Variants in TMEM117 observed in about 807,000 individuals in gnomAD.
The protein encoded by TMEM117 is transmembrane protein 117.
Under a neutral mutation model 52.4 loss-of-function variants are expected in TMEM117, and 27 were observed. The ratio of observed to expected loss-of-function variants is 0.51; its 90% CI spans 0.38 to 0.71. The LOEUF is 0.71. Among genes scored for constraint, TMEM117 ranks in the 30% least tolerant of loss-of-function variants. The pLI, the probability that TMEM117 is intolerant of heterozygous loss-of-function variation, is 0.00. For synonymous variants in TMEM117, 215 were observed against 206.3 expected, an observed-to-expected ratio of 1.04 and a Z score of -0.36; for missense variants, 556 against 630.5, an observed-to-expected ratio of 0.88 and a Z score of 1.26.
chr12:44,001,021 A>G (rs1373562667), intron 3 of TMEM117, among the ~76,000 whole-genome samples: 1 of 152,168 alleles, frequency 6.6e-6, no homozygotes, highest in South Asian at 2.1e-4. Flanking sequence ...AAGAAGTGCT[A>G]GTTCATGAGT....
At chr12:43,804,031 C>T in the TMEM117 span, 4,516 of 217,418 alleles carry the variant, frequency 0.021, 100 homozygotes, top group East Asian at 0.075. Context: ...AGAACTTTCC[C>T]AAAACAAGAA....
intron 6 of TMEM117, among the ~76,000 whole-genome samples, chr12:44,313,594 C>T (rs1451551609): frequency 6.6e-6 from 1 of 152,106 alleles, no homozygotes; most frequent in Non-Finnish European, 1.5e-5. Flanking sequence ...TATTCAGGCT[C>T]TCTTTTGGTT....
intron 4 of TMEM117, among the ~76,000 whole-genome samples, chr12:44,156,166 T>C (rs1254276280): frequency 6.6e-6 from 1 of 152,134 alleles, no homozygotes; most frequent in Non-Finnish European, 1.5e-5. Context: ...GTTATAGTAG[T>C]CAGGTTAGCC....
rs144583149 is a variant in TMEM117, at chr12:44,018,768, G to A, written c.410+74426G>A. On this transcript the variant is annotated intron_variant, in intron 3 of 7. Transcript: ENST00000266534. ...AGAAGTCTTGCTCTGTCGCCAGTCT[G>A]GAGTGCAGTGGCGCAATCTTGGCTC... Among the ~76,000 whole-genome samples the A allele has an allele frequency of 4.5e-3, 659 of 148,056 alleles. 4 individuals carry two copies. The highest frequency in any genetic ancestry group is 7.2e-3 in the Non-Finnish European group (482 of 67,404).
chr12:43,852,949 T>C (rs79074543), intron 2 of TMEM117, among the ~76,000 whole-genome samples: 5,695 of 152,276 alleles, frequency 0.037, 269 homozygotes, highest in African/African-American at 0.1. Context: ...TCATTGAAGG[T>C]ATTACTTAGC....
rs113724087 is a variant in TMEM117 at position 44,375,233 on chromosome 12, C to T, written c.769-1362C>T. On this transcript the variant is annotated intron_variant, in intron 6 of 7. Coordinates refer to ENST00000266534, the MANE Select transcript of TMEM117 (RefSeq NM_032256.3). ...GTGCCAAATTAATTCAGCTCTAGTG[C>T]GTTGGGTTTTATGAACCTCCCAAAT... Among the ~76,000 whole-genome samples, 5 of 152,196 alleles carry T rather than the reference C, an allele frequency of 3.3e-5. 1 individual carries two copies. Among genetic ancestry groups the T allele is most frequent in the African/African-American group, 1.2e-4 (5 of 41,546 alleles).
intron 3 of TMEM117, chr12:44,009,087 T>G (rs1262595084): frequency 2.8e-6 from 1 of 360,842 alleles, no homozygotes. Flanking sequence ...GTGTTTCCCA[T>G]GAAGACACAT....
At chr12:44,092,275 T>G (rs1947686503) in intron 3 of TMEM117, among the ~76,000 whole-genome samples, 1 of 152,226 alleles carries the variant, frequency 6.6e-6, no homozygotes, top group African/African-American at 2.4e-5. Context: ...TCTTCACATG[T>G]TGCTAAAATC....
At chr12:44,284,625 A>G (rs1592665432) in intron 5 of TMEM117, among the ~76,000 whole-genome samples, 1 of 152,310 alleles carries the variant, frequency 6.6e-6, no homozygotes, top group East Asian at 1.9e-4. Context: ...GTAAAGAGGA[A>G]TGTACCATTA....
intron 6 of TMEM117, among the ~76,000 whole-genome samples, chr12:44,373,177 C>T (rs1951888227): frequency 6.6e-6 from 1 of 152,246 alleles, no homozygotes; most frequent in Non-Finnish European, 1.5e-5. Flanking sequence ...CTCCCACCTG[C>T]ATAGCAGCAG....
At chr12:44,228,099 G>GA (rs1949886528) in intron 5 of TMEM117, among the ~76,000 whole-genome samples, 1 of 151,988 alleles carries the variant, frequency 6.6e-6, no homozygotes, top group Admixed American at 6.6e-5. Flanking sequence ...CATCTCAGGT[G>GA]AAAAAATTTT....
chr12:43,845,693 T>A (rs112078203), intron 2 of TMEM117, among the ~76,000 whole-genome samples: 8,244 of 148,092 alleles, frequency 0.056, 282 homozygotes, highest in Middle Eastern at 0.12. Context: ...CCCTCCCCCC[T>A]CCCCCAACCC....
At chr12:43,976,594 T>G (rs1945674739) in intron 3 of TMEM117, among the ~76,000 whole-genome samples, 1 of 152,182 alleles carries the variant, frequency 6.6e-6, no homozygotes, top group Non-Finnish European at 1.5e-5. Context: ...TACATTCCCT[T>G]ATTATCTGCC....
intron 3 of TMEM117, among the ~76,000 whole-genome samples, chr12:43,967,415 A>T (rs1003207786): frequency 6.6e-6 from 1 of 151,994 alleles, no homozygotes; most frequent in African/African-American, 2.4e-5. Context: ...GAGCCACTGC[A>T]CCCAGCCACA....
intron 2 of TMEM117, among the ~76,000 whole-genome samples, chr12:43,922,990 T>C (rs969847447): frequency 3.3e-5 from 5 of 152,158 alleles, no homozygotes; most frequent in Non-Finnish European, 5.9e-5. Context: ...TAAATAGATT[T>C]CCCTAGTCCC....
At chr12:44,050,900 T>A (rs1946961053) in intron 3 of TMEM117, among the ~76,000 whole-genome samples, 1 of 152,228 alleles carries the variant, frequency 6.6e-6, no homozygotes, top group Non-Finnish European at 1.5e-5. Context: ...GCCCATGTCC[T>A]AGGAAGTTTA....
At chr12:43,980,411 C>T (rs1393846330) in intron 3 of TMEM117, among the ~76,000 whole-genome samples, 1 of 152,164 alleles carries the variant, frequency 6.6e-6, no homozygotes, top group African/African-American at 2.4e-5. Flanking sequence ...CTTCTAGGAA[C>T]CATGGGATAT....
chr12:43,945,498 T>A (rs1219162906), intron 3 of TMEM117, among the ~76,000 whole-genome samples: 1 of 152,112 alleles, frequency 6.6e-6, no homozygotes, highest in East Asian at 1.9e-4. Context: ...TTTTTGTTAT[T>A]TTTTAGTAGA....
At chr12:44,262,207 T>C (rs1037424535) in intron 5 of TMEM117, among the ~76,000 whole-genome samples, 3 of 152,206 alleles carry the variant, frequency 2.0e-5, no homozygotes, top group Non-Finnish European at 4.4e-5. Context: ...GTACCACAAA[T>C]TTTTCCATTT....
Sources: gnomAD v4.1 joint callset for allele counts (sites outside exome capture counted in the v4.1 genomes callset) on GRCh38, gnomAD v4.1.1 for gene constraint, MANE v1.5 for transcripts, NCBI Gene and HGNC (gene_info 2026-07-23, HGNC 2026-07-21) for gene names.